Variants in KCNJ6 observed in about 807,000 individuals in gnomAD.
The protein encoded by KCNJ6 is G protein-activated inward rectifier potassium channel 2.
In KCNJ6, 9 loss-of-function variants were observed where a neutral mutation model predicts 34.2. The ratio of observed to expected loss-of-function variants is 0.26; its 90% confidence interval spans 0.16 to 0.46. KCNJ6 has a LOEUF of 0.46. KCNJ6 is among the 20% of genes least tolerant of loss of function. The pLI is 1.00. For synonymous variants in KCNJ6, 196 were observed against 207.1 expected (o/e 0.95, Z 0.46); for missense variants, 236 against 531.3 (o/e 0.44, Z 5.46).
chr21:37,860,368 C>T (rs2055588421), intron 1 of KCNJ6, among the ~76,000 whole-genome samples: 1 of 152,202 alleles, frequency 6.6e-6, no homozygotes, highest in African/African-American at 2.4e-5. Context: ...CAGCTACTAG[C>T]TTAGCTCAGG....
chr21:37,625,492 G>C lies in KCNJ6; in HGVS notation c.947-8C>G. The C allele has an allele frequency of 6.2e-7, 1 of 1,601,478 alleles. No homozygotes were observed. The highest frequency in any genetic ancestry group is 8.5e-7 in the Non-Finnish European group (1 of 1,171,168). ...GAGCTTGGCATGTCATCCCTGCAGAGAGAAGAATGGAGGCTTTAGCATATG... is the reference window on the plus strand; with the variant it reads ...GAGCTTGGCATGTCATCCCTGCAGACAGAAGAATGGAGGCTTTAGCATATG... On this transcript the variant is annotated splice_polypyrimidine_tract_variant and splice_region_variant and intron_variant, in intron 3 of 3. Coordinates refer to ENST00000609713, the MANE Select transcript of KCNJ6 (RefSeq NM_002240.5).
At chr21:37,769,142 G>C (rs920614916) in intron 2 of KCNJ6, among the ~76,000 whole-genome samples, 20 of 152,218 alleles carry the variant, frequency 1.3e-4, no homozygotes, top group African/African-American at 4.8e-4. Context: ...ACACTAGGCT[G>C]TGGTTAAGCT....
chr21:37,807,756 C>T lies in KCNJ6; in HGVS notation c.25+32902G>A, dbSNP rs111808894. On this transcript the variant is annotated intron_variant, in intron 2 of 3. Coordinates refer to ENST00000609713, the MANE Select transcript of KCNJ6 (RefSeq NM_002240.5). The stretch of plus-strand genomic sequence containing the variant: ...ATTTGAACTCTCTCTGAATGTATCC[C>T]TGTTCCTAATCAATGCATAATCTTA... Among the ~76,000 whole-genome samples, 23 of 152,342 alleles carry T rather than the reference C, an allele frequency of 1.5e-4. 1 individual carries two copies. Among genetic ancestry groups the T allele is most frequent in the African/African-American group, 5.5e-4 (23 of 41,576 alleles).
chr21:37,842,459 C>T (rs906032193), intron 1 of KCNJ6, among the ~76,000 whole-genome samples: 4 of 152,216 alleles, frequency 2.6e-5, no homozygotes, highest in Non-Finnish European at 4.4e-5. Context: ...CAAACAACTT[C>T]GCACATGGCA....
At chr21:37,765,417 G>A (rs992434407) in intron 2 of KCNJ6, among the ~76,000 whole-genome samples, 6 of 152,146 alleles carry the variant, frequency 3.9e-5, no homozygotes, top group South Asian at 2.1e-4. Flanking sequence ...ATCTGGAGGC[G>A]CCTTTGACAG....
intron 2 of KCNJ6, among the ~76,000 whole-genome samples, chr21:37,821,356 C>T (rs2055372343): frequency 6.6e-6 from 1 of 152,124 alleles, no homozygotes; most frequent in Non-Finnish European, 1.5e-5. Flanking sequence ...GCAATTCTCT[C>T]CTTCAGAAGG....
At chr21:37,882,704 C>A (rs947230717) in intron 1 of KCNJ6, among the ~76,000 whole-genome samples, 1 of 152,234 alleles carries the variant, frequency 6.6e-6, no homozygotes, top group Non-Finnish European at 1.5e-5. Context: ...CCAGTCACCA[C>A]GGGCACTTTT....
At chr21:37,855,864 T>C (rs2055562397) in intron 1 of KCNJ6, among the ~76,000 whole-genome samples, 2 of 152,212 alleles carry the variant, frequency 1.3e-5, no homozygotes, top group South Asian at 2.1e-4. Context: ...GAAGAAAAAA[T>C]GACTCTCTCC....
chr21:37,758,586 G>A (rs2055043516), intron 2 of KCNJ6, among the ~76,000 whole-genome samples: 1 of 152,200 alleles, frequency 6.6e-6, no homozygotes, highest in South Asian at 2.1e-4. Flanking sequence ...CAGAGGAACT[G>A]GCTCTAGTAC....
At chr21:37,722,791 T>G (rs1198678715) in intron 2 of KCNJ6, among the ~76,000 whole-genome samples, 1 of 152,216 alleles carries the variant, frequency 6.6e-6, no homozygotes, top group East Asian at 1.9e-4. Flanking sequence ...TAACTCAATA[T>G]AGATTAAAAG....
At chr21:37,743,655 C>T (rs1247006035) in intron 2 of KCNJ6, among the ~76,000 whole-genome samples, 3 of 152,116 alleles carry the variant, frequency 2.0e-5, no homozygotes, top group Non-Finnish European at 4.4e-5. Flanking sequence ...AGAAGGCCCT[C>T]TCCAGATGCT....
chr21:37,833,178 C>A (rs1273268655), intron 2 of KCNJ6, among the ~76,000 whole-genome samples: 2 of 152,118 alleles, frequency 1.3e-5, no homozygotes. Flanking sequence ...ACATGCCCAG[C>A]TAATTTTTGT....
chr21:37,725,766 C>T (rs1225078084), intron 2 of KCNJ6, among the ~76,000 whole-genome samples: 3 of 152,226 alleles, frequency 2.0e-5, no homozygotes, highest in Non-Finnish European at 2.9e-5. Context: ...AAATGTCTAT[C>T]ACCAGAGCAT....
intron 2 of KCNJ6, among the ~76,000 whole-genome samples, chr21:37,736,070 G>A (rs905056746): frequency 2.6e-5 from 4 of 152,174 alleles, no homozygotes; most frequent in Non-Finnish European, 4.4e-5. Flanking sequence ...CTAGGGGCTT[G>A]GCTCAAAACA....
At chr21:37,783,428 C>T (rs1427222831) in intron 2 of KCNJ6, among the ~76,000 whole-genome samples, 3 of 152,136 alleles carry the variant, frequency 2.0e-5, no homozygotes, top group East Asian at 1.9e-4. Context: ...TTATCAGGGG[C>T]TTCCACTTTT....
intron 2 of KCNJ6, among the ~76,000 whole-genome samples, chr21:37,738,345 C>A (rs1173850994): frequency 8.8e-3 from 2 of 228 alleles, no homozygotes; most frequent in Non-Finnish European, 0.015. Context: ...ATGCTTCTCC[C>A]CCCTGGGGCC....
chr21:37,610,305 T>C lies in KCNJ6; in HGVS notation c.*14854A>G, dbSNP rs1198531024. The C allele has an allele frequency of 6.6e-6, 1 of 152,138 alleles. No homozygotes were observed. 9.4% of individuals were successfully genotyped at this position (152,138 alleles called of 1,614,324 possible). A position where few individuals can be genotyped will look rare whatever the true frequency, so the allele number is the denominator to read the frequency against. On this transcript the variant is annotated 3_prime_UTR_variant, in exon 4 of 4. Transcript: ENST00000609713. ...TTTTTGCTTAAGCTTGCATGGAATGTTCATCAAGTTAGACTGCATTCTGGG... is the reference window on the plus strand; with the variant it reads ...TTTTTGCTTAAGCTTGCATGGAATGCTCATCAAGTTAGACTGCATTCTGGG...
intron 2 of KCNJ6, among the ~76,000 whole-genome samples, chr21:37,798,628 T>C (rs1461313552): frequency 6.6e-6 from 1 of 152,188 alleles, no homozygotes; most frequent in African/African-American, 2.4e-5. Context: ...ACAACATAGA[T>C]GAACCTTGAA....
At chr21:37,667,626 ACCGGGGTAGCAGGTCCAGGGTAGCAGGCG>A (rs1369011867) in intron 3 of KCNJ6, among the ~76,000 whole-genome samples, 11 of 75,860 alleles carry the variant, frequency 1.5e-4, no homozygotes, top group Non-Finnish European at 2.5e-4. Flanking sequence ...GGTAGCAGGC[ACCGGGGTAGCAGGTCCAGGGTAGCAGGCG>A]CCGGGTAGCA....
Sources: allele counts gnomAD v4.1 joint callset (sites outside exome capture counted in the v4.1 genomes callset), GRCh38; gene constraint gnomAD v4.1.1; transcripts MANE v1.5; gene names NCBI Gene and HGNC (gene_info 2026-07-23, HGNC 2026-07-21).